The following PDE1A variants were observed in gnomAD, a reference collection of about 807,000 sequenced individuals.
The protein encoded by PDE1A is phosphodiesterase 1A.
A neutral mutation model predicts 61.7 loss-of-function variants in PDE1A; 35 were observed. That is an observed-to-expected ratio of 0.57 (90% confidence interval 0.43 to 0.75). PDE1A has a LOEUF of 0.75. Among genes scored for constraint, PDE1A ranks in the 30% least tolerant of loss-of-function variants. The probability of loss-of-function intolerance (pLI) is 0.00; values close to 1 mark genes in which losing one functional copy is unlikely to be tolerated. For synonymous variants in PDE1A, 232 were observed against 213.2 expected (o/e 1.09, Z -0.77); for missense variants, 597 against 630.6 (o/e 0.95, Z 0.57).
chr2:182,633,609 T>C, the PDE1A span, among the ~76,000 whole-genome samples: 1 of 152,218 alleles, frequency 6.6e-6, no homozygotes, highest in African/African-American at 2.4e-5. Context: ...ATAGGAATCA[T>C]GTGACTTCTG....
chr2:182,459,630 G>A (rs554049207), intron 2 of PDE1A, among the ~76,000 whole-genome samples: 3 of 152,080 alleles, frequency 2.0e-5, no homozygotes, highest in Non-Finnish European at 2.9e-5. Flanking sequence ...AGCATCAGTT[G>A]ACTAAGCCTA....
At chr2:182,472,984 T>G (rs1160897972) in intron 2 of PDE1A, among the ~76,000 whole-genome samples, 1 of 151,692 alleles carries the variant, frequency 6.6e-6, no homozygotes, top group Non-Finnish European at 1.5e-5. Context: ...TATTATACTT[T>G]AAGTTTTAGG....
chr2:182,169,096 T>C (rs1691883823), intron 13 of PDE1A, among the ~76,000 whole-genome samples: 2 of 152,100 alleles, frequency 1.3e-5, no homozygotes, highest in Non-Finnish European at 2.9e-5. Context: ...CTTTAACTCA[T>C]AAGCATTTGG....
chr2:182,247,455 C>A (rs1001141589), intron 2 of PDE1A, among the ~76,000 whole-genome samples: 2 of 152,100 alleles, frequency 1.3e-5, no homozygotes, highest in East Asian at 3.9e-4. Flanking sequence ...TAGATCAAAC[C>A]TAAATTTGAA....
chr2:182,157,501 A>G (rs528811392), intron 13 of PDE1A, among the ~76,000 whole-genome samples: 1 of 152,364 alleles, frequency 6.6e-6, no homozygotes, highest in South Asian at 2.1e-4. Context: ...TTTAGTGTTT[A>G]TAATCAACAA....
chr2:182,288,738 AT>A (rs1367707655), intron 1 of PDE1A, among the ~76,000 whole-genome samples: 1 of 151,916 alleles, frequency 6.6e-6, no homozygotes, highest in Non-Finnish European at 1.5e-5. Flanking sequence ...TGCTTGTGGA[AT>A]TTCTGTGGAT....
the PDE1A span, among the ~76,000 whole-genome samples, chr2:182,705,035 C>A: frequency 3.9e-5 from 6 of 152,098 alleles, no homozygotes; most frequent in Non-Finnish European, 8.8e-5. Flanking sequence ...CAAACCACAA[C>A]CTATAGTTCT....
intron 2 of PDE1A, among the ~76,000 whole-genome samples, chr2:182,451,436 T>C (rs7601239): frequency 0.073 from 10,994 of 151,390 alleles, 1,383 homozygotes; most frequent in African/African-American, 0.25. Context: ...TATTAGTATG[T>C]ATGTGGACAT....
At chr2:182,508,905 A>G (rs1264888510) in intron 2 of PDE1A, among the ~76,000 whole-genome samples, 1 of 150,602 alleles carries the variant, frequency 6.6e-6, no homozygotes, top group African/African-American at 2.4e-5. Flanking sequence ...GGTGCACTGC[A>G]CCCACTAACT....
the PDE1A span, among the ~76,000 whole-genome samples, chr2:182,653,970 T>C: frequency 2.6e-5 from 4 of 152,158 alleles, no homozygotes; most frequent in African/African-American, 9.7e-5. Context: ...GGCATCAATG[T>C]AGTGGACAAA....
chr2:182,665,496 C>T, the PDE1A span, among the ~76,000 whole-genome samples: 2 of 152,188 alleles, frequency 1.3e-5, no homozygotes, highest in Admixed American at 6.5e-5. Flanking sequence ...TAGAGAAATG[C>T]AAATCAAAAC....
chr2:182,482,531 T>C (rs1444634004), intron 2 of PDE1A, among the ~76,000 whole-genome samples: 3 of 151,848 alleles, frequency 2.0e-5, no homozygotes, highest in African/African-American at 7.3e-5. Flanking sequence ...TGAAAATAGC[T>C]ATACAACTGG....
exon 6 of PDE1A, chr2:182,230,107 C>T (rs1393682140): frequency 6.2e-7 from 1 of 1,612,842 alleles, no homozygotes; most frequent in African/African-American, 1.3e-5. Context: ...TAACCAACTT[C>T]TAAAGCTTCT....
intron 10 of PDE1A, among the ~76,000 whole-genome samples, chr2:182,199,293 G>C (rs1424851181): frequency 6.6e-6 from 1 of 151,628 alleles, no homozygotes; most frequent in African/African-American, 2.4e-5. Context: ...GTTATTGTTT[G>C]TCTTTGTTCT....
chr2:182,619,685 A>G, the PDE1A span, among the ~76,000 whole-genome samples: 1 of 152,170 alleles, frequency 6.6e-6, no homozygotes, highest in Non-Finnish European at 1.5e-5. Context: ...CTTTTGACAC[A>G]TAAGTGTTAT....
chr2:182,429,664 A>C (rs971042609), upstream of PDE1A, among the ~76,000 whole-genome samples: 1 of 152,106 alleles, frequency 6.6e-6, no homozygotes, highest in African/African-American at 2.4e-5. Flanking sequence ...TAACCAACTC[A>C]TTTTGTGTGA....
At chr2:182,493,443 C>T (rs905602727) in intron 2 of PDE1A, among the ~76,000 whole-genome samples, 9 of 152,092 alleles carry the variant, frequency 5.9e-5, no homozygotes, top group African/African-American at 2.2e-4. Flanking sequence ...CTCCTCACCC[C>T]GTGACAGGCC....
chr2:182,667,766 C>CAGA, the PDE1A span, among the ~76,000 whole-genome samples: 9,921 of 152,168 alleles, frequency 0.065, 1,029 homozygotes, highest in African/African-American at 0.23. Context: ...CTGGAAAAGA[C>CAGA]AGAACAATGT....
Position 182,206,068 on chromosome 2 carries a change from A to G in PDE1A, c.777-3T>C. On this transcript the variant is annotated splice_region_variant and splice_polypyrimidine_tract_variant and intron_variant, in intron 7 of 13. Transcript: ENST00000351439. ...TATACAAAATGGCAACATCTGACCT[A>G]AGAATTAAAAACAAAATGCCCAACA... The G allele has an allele frequency of 1.3e-6, 2 of 1,599,178 alleles. No individual in the cohort carries two copies. The highest frequency in any genetic ancestry group is 1.7e-6 in the Non-Finnish European group (2 of 1,173,042).
Sources: gnomAD v4.1 joint callset for allele counts (sites outside exome capture counted in the v4.1 genomes callset) on GRCh38, gnomAD v4.1.1 for gene constraint, MANE v1.5 for transcripts, NCBI Gene and HGNC (gene_info 2026-07-23, HGNC 2026-07-21) for gene names.